Variants in CLK2 observed in about 807,000 individuals in gnomAD.
CLK2 encodes the protein dual specificity protein kinase CLK2.
CLK2 carries 12 observed loss-of-function variants against 73.5 expected under a neutral mutation model. The observed-to-expected ratio is 0.16, with a 90% CI of 0.10 to 0.26. CLK2 has a LOEUF of 0.26. CLK2 is among the 10% of genes least tolerant of loss of function. The pLI is 1.00. For missense variants in CLK2, 509 were observed against 688.4 expected (o/e 0.74, Z 2.92); for synonymous variants, 232 against 237.9 (o/e 0.98, Z 0.23).
intron 7 of CLK2, among the ~76,000 whole-genome samples, chr1:155,266,500 G>A (rs949649246): frequency 6.6e-6 from 1 of 152,216 alleles, no homozygotes; most frequent in Non-Finnish European, 1.5e-5. Context: ...GATTCCAAAG[G>A]CTTTCTCTTC....
At position 155,264,273 on chromosome 1, in the gene CLK2, T is replaced by C; in HGVS notation, c.1174A>G (p.Met392Val). 6.2e-7 allele frequency: 1 copy of C among 1,614,216 alleles called. No homozygotes were observed. ...ATAGGACCCAAGATCCTTTCCATCA[T>C]GGCTAGATGCTCTCTGTTGTCATGG... ...QTHDNREHLA[M>V]MERILGPIPS... Residue 392 changes from methionine (M) to valine (V), a missense_variant, in exon 11 of 13, where the codon ATG becomes GTG. Around this residue, in one of 6 missense-constraint regions of CLK2, gnomAD observed 48 missense variants for 144.9 expected, o/e 0.33. Coordinates refer to ENST00000368361, the MANE Select transcript of CLK2 (RefSeq NM_001294338.2).
At position 155,263,329 on chromosome 1, in the gene CLK2, T is replaced by C; in HGVS notation, c.1389A>G (p.Glu463=). Residue 463 remains glutamate, a synonymous_variant, in exon 13 of 13, where the codon GAA becomes GAG. Coordinates refer to ENST00000368361, the MANE Select transcript of CLK2 (RefSeq NM_001294338.2). The part of the protein sequence containing the change: ...FDLIESMLEY[E]PAKRLTLGEA... ...CACCCAAGGTCAGCCGCTTAGCTGG[T>C]TCATACTCTAGCATGCTTTCAATCA... 6.2e-7 allele frequency: 1 copy of C among 1,614,174 alleles called. No individual in the cohort carries two copies. The highest frequency in any genetic ancestry group is 8.5e-7 in the Non-Finnish European group (1 of 1,180,044).
intron 1 of CLK2, among the ~76,000 whole-genome samples, chr1:155,271,507 A>C (rs1439388404): frequency 1.3e-5 from 2 of 152,166 alleles, no homozygotes; most frequent in South Asian, 2.1e-4. Context: ...TACAGGCGTG[A>C]GCCACCGCAC....
chr1:155,271,866 C>T (rs890909261), intron 1 of CLK2, among the ~76,000 whole-genome samples: 4 of 152,196 alleles, frequency 2.6e-5, no homozygotes, highest in African/African-American at 7.2e-5. Flanking sequence ...GGATCTGGGT[C>T]GGGCCCCTTG....
intron 8 of CLK2, 29 bp downstream of exon 8, chr1:155,265,831 T>G (rs530384402): frequency 1.8e-5 from 27 of 1,469,872 alleles, no homozygotes; most frequent in Non-Finnish European, 2.4e-5. Flanking sequence ...CTGCCCCCAG[T>G]AACCAAGGGC....
At chr1:155,266,110 G>T (rs1367687668) in intron 7 of CLK2, among the ~76,000 whole-genome samples, 156 bp from the exon 8 acceptor site, 1 of 152,002 alleles carries the variant, frequency 6.6e-6, no homozygotes, top group African/African-American at 2.4e-5. Context: ...TGGAATGCCT[G>T]GTCTAAGAAG....
At chr1:155,266,006 G>A (rs1446143911) in intron 7 of CLK2, 52 bp from the exon 8 acceptor site, 1 of 1,255,264 alleles carries the variant, frequency 8.0e-7, no homozygotes, top group Non-Finnish European at 1.2e-6. Context: ...AGAGCTAACT[G>A]GTATCAGCTG....
At chr1:155,263,545 AC>A in intron 12 of CLK2, 145 bp from the exon 13 acceptor site, 1 of 1,440,062 alleles carries the variant, frequency 6.9e-7, no homozygotes, top group Non-Finnish European at 9.1e-7. Context: ...ACCAGGACCA[AC>A]GTTTCTGATA....
chr1:155,269,279 G>C (rs879641792), intron 3 of CLK2: 26 of 605,754 alleles, frequency 4.3e-5, no homozygotes, highest in African/African-American at 1.5e-4. Context: ...GAGCACTGGG[G>C]GTCACAAATG....
chr1:155,267,426 G>C (rs1673281864), intron 6 of CLK2, among the ~76,000 whole-genome samples: 2 of 152,116 alleles, frequency 1.3e-5, no homozygotes, highest in East Asian at 1.9e-4. Context: ...ATTTTAAATA[G>C]TTCAAAAACT....
At chr1:155,270,309 T>C (rs377406491) in intron 2 of CLK2, among the ~76,000 whole-genome samples, 3 of 152,240 alleles carry the variant, frequency 2.0e-5, no homozygotes, top group East Asian at 3.9e-4. Context: ...GCCATAGAGT[T>C]TGCAGTGAGC....
intron 6 of CLK2, 106 bp from the exon 7 acceptor site, chr1:155,267,001 T>A: frequency 7.7e-7 from 1 of 1,298,774 alleles, no homozygotes; most frequent in Non-Finnish European, 1.1e-6. Flanking sequence ...CATACTTGTG[T>A]AAAACCATGC....
chr1:155,270,233 T>C (rs1048260092), intron 2 of CLK2, among the ~76,000 whole-genome samples: 3 of 149,992 alleles, frequency 2.0e-5, no homozygotes, highest in African/African-American at 4.9e-5. Flanking sequence ...TAGCCAGGCA[T>C]GATGGCGCAT....
intron 2 of CLK2, among the ~76,000 whole-genome samples, chr1:155,270,304 A>G (rs2148145242): frequency 6.6e-6 from 1 of 152,264 alleles, no homozygotes; most frequent in African/African-American, 2.4e-5. Flanking sequence ...CTGGGGCCAT[A>G]GAGTTTGCAG....
chr1:155,263,865 G>C, intron 12 of CLK2, 85 bp downstream of exon 12: 1 of 1,423,312 alleles, frequency 7.0e-7, no homozygotes, highest in Non-Finnish European at 9.8e-7. Context: ...CCCTCTGCTT[G>C]TGAAGAGCAT....
At chr1:155,266,230 T>A (rs1557932690) in intron 7 of CLK2, among the ~76,000 whole-genome samples, 2 of 152,246 alleles carry the variant, frequency 1.3e-5, no homozygotes, top group Non-Finnish European at 2.9e-5. Flanking sequence ...TAGCTGGCAT[T>A]ATGTTAACTC....
chr1:155,268,143 G>C lies in CLK2; in HGVS notation c.555-17C>G. ...GCCCCACCCCTGTAAGTTGGCAGGAGAGGCTTTTGCTGGGTTCTCAAGAAT... is the reference window on the plus strand; with the variant it reads ...GCCCCACCCCTGTAAGTTGGCAGGACAGGCTTTTGCTGGGTTCTCAAGAAT... On this transcript the variant is annotated splice_polypyrimidine_tract_variant and intron_variant, in intron 5 of 12. Transcript: ENST00000368361. The surrounding 1 kb of genome is among the most constrained non-coding windows in gnomAD (Gnocchi z 5.6). 6.2e-7 allele frequency: 1 copy of C among 1,607,794 alleles called. No homozygotes were observed. The highest frequency in any genetic ancestry group is 8.5e-7 in the Non-Finnish European group (1 of 1,174,152).
chr1:155,272,791 CAA>C (rs1211126148), intron 1 of CLK2, among the ~76,000 whole-genome samples: 1 of 152,190 alleles, frequency 6.6e-6, no homozygotes, highest in African/African-American at 2.4e-5. Context: ...CTACCTTTCT[CAA>C]GTTTGAAATC....
At chr1:155,265,813 G>A in intron 8 of CLK2, 47 bp downstream of exon 8, 1 of 1,241,034 alleles carries the variant, frequency 8.1e-7, no homozygotes, top group Non-Finnish European at 1.2e-6. Context: ...GCAAAGTGGT[G>A]CAGCTGCCTG....
Sources: allele counts gnomAD v4.1 joint callset (sites outside exome capture counted in the v4.1 genomes callset), GRCh38; gene constraint gnomAD v4.1.1; regional missense constraint gnomAD v4.1.1; non-coding constraint Gnocchi (gnomAD v3.1); transcripts MANE v1.5; gene names NCBI Gene and HGNC (gene_info 2026-07-23, HGNC 2026-07-21).